CAB39L: variants seen among roughly 807,000 people sequenced by gnomAD.
CAB39L encodes the protein calcium-binding protein 39-like.
Under a neutral mutation model 39.1 loss-of-function variants are expected in CAB39L, and 23 were observed. The ratio of observed to expected loss-of-function variants is 0.59; its 90% CI spans 0.42 to 0.83. The LOEUF (loss-of-function observed/expected upper bound fraction) is 0.83, where lower values mean the gene tolerates loss of function less well. Ranked by LOEUF, CAB39L falls within the 40% of genes least tolerant of loss-of-function variation. The pLI is 0.00. For synonymous variants in CAB39L, 126 were observed against 137.2 expected, an observed-to-expected ratio of 0.92 and a Z score of 0.57; for missense variants, 366 against 391.9, an observed-to-expected ratio of 0.93 and a Z score of 0.56.
Position 49,339,842 on chromosome 13 carries a change from G to A in CAB39L, c.625-100C>T, listed in dbSNP as rs1954955010. ...TTTCAGGAGCAAATTCCCAACTTCT[G>A]GCCATTTTACCATCCTTCTTTACAT... On this transcript the variant is annotated intron_variant, in intron 8 of 10. Coordinates refer to ENST00000409308, the MANE Select transcript of CAB39L (RefSeq NM_001079670.3). The A allele has an allele frequency of 1.6e-5, 21 of 1,275,910 alleles. No individual in the cohort carries two copies. In the South Asian group the frequency reaches 5.3e-4, roughly 32 times the overall value. The allele number at this position is 1,275,910 out of a possible 1,614,324, so 79.0% of individuals were successfully genotyped here.
intron 9 of CAB39L, among the ~76,000 whole-genome samples, chr13:49,333,184 C>T (rs1415130035): frequency 6.6e-6 from 1 of 152,090 alleles, no homozygotes; most frequent in Non-Finnish European, 1.5e-5. Context: ...AAAAGGATGA[C>T]CCCTGTTGGA....
chr13:49,389,999 T>C (rs1956453254), intron 3 of CAB39L, among the ~76,000 whole-genome samples: 1 of 152,120 alleles, frequency 6.6e-6, no homozygotes, highest in South Asian at 2.1e-4. Flanking sequence ...ATTTTTGTAT[T>C]TTTAGTAGAG....
intron 9 of CAB39L, among the ~76,000 whole-genome samples, chr13:49,335,920 G>C (rs771341547): frequency 3.3e-5 from 5 of 152,118 alleles, no homozygotes; most frequent in Non-Finnish European, 7.4e-5. Flanking sequence ...TAGTACTTAA[G>C]ACAGTTTATT....
chr13:49,338,322 TA>T (rs1209413630), intron 9 of CAB39L, among the ~76,000 whole-genome samples: 15 of 151,636 alleles, frequency 9.9e-5, no homozygotes, highest in African/African-American at 3.2e-4. Context: ...TATGCAGCCA[TA>T]AAAAATGGTG....
chr13:49,431,780 G>T (rs1156813180), intron 3 of CAB39L, among the ~76,000 whole-genome samples: 1 of 151,814 alleles, frequency 6.6e-6, no homozygotes, highest in African/African-American at 2.4e-5. Context: ...TCCATTCCCA[G>T]GAATTCACTC....
intron 3 of CAB39L, among the ~76,000 whole-genome samples, chr13:49,419,126 C>G (rs1371076719): frequency 2.0e-5 from 3 of 151,804 alleles, no homozygotes; most frequent in East Asian, 2.0e-4. Context: ...TGCCACCATG[C>G]CTGGCTAATT....
intron 3 of CAB39L, among the ~76,000 whole-genome samples, chr13:49,426,126 C>G (rs1445659038): frequency 6.6e-6 from 1 of 152,154 alleles, no homozygotes; most frequent in Non-Finnish European, 1.5e-5. Context: ...GATAAGCCCT[C>G]CTCTACCTTG....
intron 9 of CAB39L, among the ~76,000 whole-genome samples, chr13:49,334,553 G>C (rs115139877): frequency 6.6e-6 from 1 of 152,076 alleles, no homozygotes; most frequent in Non-Finnish European, 1.5e-5. Context: ...CATCGTCTTC[G>C]GGAAAGCCTT....
At chr13:49,334,214 T>C (rs1274640484) in intron 9 of CAB39L, among the ~76,000 whole-genome samples, 1 of 152,222 alleles carries the variant, frequency 6.6e-6, no homozygotes, top group Non-Finnish European at 1.5e-5. Context: ...AGTCCTCACC[T>C]AATCCGATCC....
intron 5 of CAB39L, among the ~76,000 whole-genome samples, chr13:49,373,822 GTC>G (rs1052040990): frequency 2.0e-4 from 31 of 152,220 alleles, no homozygotes; most frequent in Admixed American, 1.2e-3. Context: ...GGGGTTCTGT[GTC>G]GCTGGAGTAA....
chr13:49,390,503 T>A (rs1057501331), intron 3 of CAB39L, among the ~76,000 whole-genome samples: 2 of 152,050 alleles, frequency 1.3e-5, no homozygotes, highest in African/African-American at 4.8e-5. Context: ...ATAAATCACG[T>A]GCAAGAATCA....
chr13:49,420,143 C>A (rs1052277492), intron 3 of CAB39L, among the ~76,000 whole-genome samples: 1 of 152,078 alleles, frequency 6.6e-6, no homozygotes, highest in Non-Finnish European at 1.5e-5. Flanking sequence ...TTTTAATATT[C>A]TTTAATGTAC....
chr13:49,409,119 G>A (rs1472775972), intron 3 of CAB39L, among the ~76,000 whole-genome samples: 2 of 152,160 alleles, frequency 1.3e-5, no homozygotes, highest in Non-Finnish European at 2.9e-5. Flanking sequence ...GGTAGTCAGC[G>A]AGACAAAAGA....
chr13:49,419,357 A>G (rs914692372), intron 3 of CAB39L, among the ~76,000 whole-genome samples: 1 of 152,220 alleles, frequency 6.6e-6, no homozygotes, highest in African/African-American at 2.4e-5. Flanking sequence ...ATAAAGTTCT[A>G]TTCCACTAAA....
chr13:49,413,416 T>C (rs1957030490), intron 3 of CAB39L, among the ~76,000 whole-genome samples: 1 of 152,130 alleles, frequency 6.6e-6, no homozygotes, highest in South Asian at 2.1e-4. Flanking sequence ...AGATGCACTT[T>C]GAAAAAGTAC....
At chr13:49,443,072 CACA>C (rs1957569674) in intron 1 of CAB39L, among the ~76,000 whole-genome samples, 1 of 130,054 alleles carries the variant, frequency 7.7e-6, no homozygotes, top group Non-Finnish European at 1.6e-5. Context: ...CAATGCCATC[CACA>C]ACAATGCTAA....
chr13:49,415,033 T>C (rs1957058069), intron 3 of CAB39L, among the ~76,000 whole-genome samples: 1 of 151,332 alleles, frequency 6.6e-6, no homozygotes, highest in Admixed American at 6.6e-5. Context: ...CCATCTCTAC[T>C]AAAAATACAA....
At chr13:49,373,173 A>T (rs1955966162) in intron 5 of CAB39L, among the ~76,000 whole-genome samples, 1 of 151,694 alleles carries the variant, frequency 6.6e-6, no homozygotes. Flanking sequence ...CTCCCTCCAA[A>T]CCTTTCTCCT....
intron 7 of CAB39L, among the ~76,000 whole-genome samples, chr13:49,348,023 T>A (rs1210434433): frequency 6.6e-6 from 1 of 152,120 alleles, no homozygotes; most frequent in African/African-American, 2.4e-5. Context: ...ACCTCCCCTG[T>A]GGGCTCCTCC....
Sources: gnomAD v4.1 joint callset for allele counts (sites outside exome capture counted in the v4.1 genomes callset) on GRCh38, gnomAD v4.1.1 for gene constraint, MANE v1.5 for transcripts, NCBI Gene and HGNC (gene_info 2026-07-23, HGNC 2026-07-21) for gene names.